SHTN1: variants seen among roughly 807,000 people sequenced by gnomAD.
SHTN1 encodes the protein shootin 1.
Under a neutral mutation model 83.1 loss-of-function variants are expected in SHTN1, and 42 were observed. The observed-to-expected ratio is 0.51, with a 90% confidence interval of 0.39 to 0.65. The LOEUF (loss-of-function observed/expected upper bound fraction) is 0.65. SHTN1 is among the 30% of genes least tolerant of loss of function. The pLI is 0.00. For synonymous variants in SHTN1, 224 were observed against 247.7 expected (o/e 0.90, Z 0.90); for missense variants, 622 against 737.8 (o/e 0.84, Z 1.82).
intron 1 of SHTN1, among the ~76,000 whole-genome samples, chr10:117,117,684 A>G (rs1383241274): frequency 1.3e-5 from 2 of 152,218 alleles, no homozygotes; most frequent in Non-Finnish European, 2.9e-5. Flanking sequence ...GTACTGGCAT[A>G]AAAACAGACA....
At chr10:117,043,375 G>A (rs985090515) in intron 2 of SHTN1, among the ~76,000 whole-genome samples, 7 of 152,114 alleles carry the variant, frequency 4.6e-5, no homozygotes, top group African/African-American at 1.7e-4. Flanking sequence ...AATGGGTACA[G>A]ATATGTTAGT....
chr10:117,106,062 G>T (rs1374122827), intron 1 of SHTN1, among the ~76,000 whole-genome samples: 1 of 151,756 alleles, frequency 6.6e-6, no homozygotes, highest in South Asian at 2.1e-4. Context: ...GTGAGCCGAG[G>T]TCGCACCACT....
At chr10:116,926,896 C>G (rs780540548) in intron 11 of SHTN1, among the ~76,000 whole-genome samples, 1 of 152,096 alleles carries the variant, frequency 6.6e-6, no homozygotes, top group Non-Finnish European at 1.5e-5. Context: ...CTCTAAATCT[C>G]CTAGTGTGTA....
intron 1 of SHTN1, among the ~76,000 whole-genome samples, chr10:117,093,624 A>T (rs1267080982): frequency 1.3e-5 from 2 of 152,216 alleles, no homozygotes; most frequent in Non-Finnish European, 2.9e-5. Context: ...CGATCTACCC[A>T]ACCCCAAAGG....
intron 1 of SHTN1, among the ~76,000 whole-genome samples, chr10:117,054,156 G>A (rs1852791599): frequency 6.6e-6 from 1 of 152,090 alleles, no homozygotes; most frequent in Non-Finnish European, 1.5e-5. Flanking sequence ...TGAATTCCCT[G>A]CCACCATGGA....
intron 2 of SHTN1, among the ~76,000 whole-genome samples, chr10:117,029,066 G>A (rs1852369434): frequency 6.6e-6 from 1 of 152,188 alleles, no homozygotes; most frequent in Admixed American, 6.5e-5. Flanking sequence ...CAAAGCCACA[G>A]GGGCAGAGCT....
chr10:117,065,893 A>AGGGAG (rs1486703425), intron 1 of SHTN1, among the ~76,000 whole-genome samples: 1 of 15,260 alleles, frequency 6.6e-5, no homozygotes, highest in Non-Finnish European at 1.3e-4. Flanking sequence ...GGGGAGGGGA[A>AGGGAG]GGGAGGGGAG....
chr10:117,111,337 AGGCTG>A, intron 1 of SHTN1, among the ~76,000 whole-genome samples: 2 of 151,802 alleles, frequency 1.3e-5, no homozygotes, highest in Non-Finnish European at 2.9e-5. Flanking sequence ...TCTGTTGCCC[AGGCTG>A]GAGTACAGTA....
intron 12 of SHTN1, among the ~76,000 whole-genome samples, chr10:116,917,208 A>C (rs1235729015): frequency 6.6e-6 from 1 of 152,236 alleles, no homozygotes; most frequent in Non-Finnish European, 1.5e-5. Context: ...TGAACTACAC[A>C]GTGCTTTTGC....
At chr10:117,084,814 C>A (rs1395331391) in intron 1 of SHTN1, among the ~76,000 whole-genome samples, 1 of 152,240 alleles carries the variant, frequency 6.6e-6, no homozygotes, top group East Asian at 1.9e-4. Context: ...TGCCGTCCGT[C>A]ACCCCTTTCT....
chr10:116,954,676 C>T (rs1166563545), intron 4 of SHTN1, among the ~76,000 whole-genome samples: 2 of 152,114 alleles, frequency 1.3e-5, no homozygotes. Flanking sequence ...CCCAAGCACA[C>T]CCCATCCCTT....
chr10:116,938,768 C>T (rs957597738), intron 9 of SHTN1, among the ~76,000 whole-genome samples: 7 of 152,048 alleles, frequency 4.6e-5, no homozygotes, highest in East Asian at 1.9e-4. Context: ...TGCCCACAGC[C>T]GCCTCTTTCC....
At chr10:117,107,043 G>C (rs1853679619) in intron 1 of SHTN1, among the ~76,000 whole-genome samples, 1 of 152,110 alleles carries the variant, frequency 6.6e-6, no homozygotes, top group Admixed American at 6.6e-5. Context: ...TCTTTAAAGA[G>C]AATAGTCAAA....
chr10:116,973,446 TAAGC>T (rs1233281641), intron 2 of SHTN1, among the ~76,000 whole-genome samples: 1 of 152,190 alleles, frequency 6.6e-6, no homozygotes, highest in Non-Finnish European at 1.5e-5. Flanking sequence ...ATCAGACTTT[TAAGC>T]AAGTATCTAC....
At chr10:117,004,796 T>G (rs1259398460) in intron 1 of SHTN1, among the ~76,000 whole-genome samples, 1 of 152,224 alleles carries the variant, frequency 6.6e-6, no homozygotes, top group East Asian at 1.9e-4. Context: ...GGTCTCGAGC[T>G]GCGGGGCCTG....
At chr10:116,944,856 A>G in intron 8 of SHTN1, 68 bp downstream of exon 8, 1 of 983,790 alleles carries the variant, frequency 1.0e-6, no homozygotes. Context: ...GCGCCACTGC[A>G]CTCCAGCCTG....
chr10:116,919,123 A>G (rs1848468533), intron 12 of SHTN1, among the ~76,000 whole-genome samples: 1 of 152,232 alleles, frequency 6.6e-6, no homozygotes, highest in South Asian at 2.1e-4. Flanking sequence ...ATGTGAGACC[A>G]GTCACTATGT....
intron 3 of SHTN1, 194 bp from the exon 4 acceptor site, chr10:116,960,424 A>G: frequency 2.1e-6 from 1 of 471,314 alleles, no homozygotes; most frequent in East Asian, 3.1e-5. Flanking sequence ...AAGAAACAAG[A>G]ACACAACAAA....
intron 3 of SHTN1, among the ~76,000 whole-genome samples, chr10:116,963,857 C>A (rs1262474975): frequency 6.6e-6 from 1 of 152,060 alleles, no homozygotes; most frequent in African/African-American, 2.4e-5. Flanking sequence ...AAAAGTACAT[C>A]AAGTATTGTT....
Sources: gnomAD v4.1 joint callset for allele counts (sites outside exome capture counted in the v4.1 genomes callset) on GRCh38, gnomAD v4.1.1 for gene constraint, MANE v1.5 for transcripts, NCBI Gene and HGNC (gene_info 2026-07-23, HGNC 2026-07-21) for gene names.